The following KIAA1614 variants were observed in gnomAD, a reference collection of about 807,000 sequenced individuals.
The protein encoded by KIAA1614 is uncharacterized protein KIAA1614.
A neutral mutation model predicts 88.7 loss-of-function variants in KIAA1614; 76 were observed. That is an observed-to-expected ratio of 0.86 (90% CI 0.71 to 1.04). The LOEUF is 1.04. KIAA1614 is among the 50% of genes least tolerant of loss of function. The pLI is 0.00. For missense variants in KIAA1614, 1,553 were observed against 1,582.5 expected, an observed-to-expected ratio of 0.98 and a Z score of 0.32; for synonymous variants, 714 against 675.5, an observed-to-expected ratio of 1.06 and a Z score of -0.88.
intron 2 of KIAA1614, among the ~76,000 whole-genome samples, chr1:180,917,386 G>A (rs182678132): frequency 1.3e-5 from 2 of 152,220 alleles, no homozygotes; most frequent in East Asian, 1.9e-4. Context: ...TCTTCTTTGC[G>A]GCTTGGATTC....
At chr1:180,920,837 A>G (rs1381404194) in intron 3 of KIAA1614, among the ~76,000 whole-genome samples, 3 of 152,060 alleles carry the variant, frequency 2.0e-5, no homozygotes, top group Non-Finnish European at 4.4e-5. Flanking sequence ...CCGGCCCCCA[A>G]CCCCAGGGTT....
intron 1 of KIAA1614, among the ~76,000 whole-genome samples, chr1:180,915,194 C>T (rs1215280591): frequency 3.9e-5 from 6 of 152,194 alleles, no homozygotes; most frequent in African/African-American, 9.7e-5. Flanking sequence ...GATGCCTAAT[C>T]GGCGTTCCTG....
chr1:180,945,475 C>A lies in KIAA1614; in HGVS notation c.3460C>A (p.Arg1154Ser). ...CTTCTGCGTGGCCTCTGGGAATGGG[C>A]GCCCAGACTCAGGTATGCCCTCTCC... ...FGFCVASGNG[R>S]PDSGMPSPLP... The change falls in exon 9 of 9, where the codon CGC (arginine) becomes AGC (serine). Residue 1154 changes from arginine (R) to serine (S), a missense_variant. Coordinates refer to ENST00000367588, the MANE Select transcript of KIAA1614 (RefSeq NM_020950.2). 1 of 1,613,092 alleles carries A rather than the reference C, an allele frequency of 6.2e-7. No homozygotes were observed. Among genetic ancestry groups the A allele is most frequent in the South Asian group, 1.1e-5 (1 of 91,032 alleles).
At chr1:180,924,460 C>T (rs552619000) in intron 3 of KIAA1614, among the ~76,000 whole-genome samples, 6 of 152,362 alleles carry the variant, frequency 3.9e-5, no homozygotes, top group East Asian at 1.9e-4. Context: ...GCTCTGCTCT[C>T]CTCAGAAGTC....
Position 180,917,049 on chromosome 1 carries a change from C to G in KIAA1614, c.946C>G (p.Arg316Gly), listed in dbSNP as rs201390442. The G allele has an allele frequency of 6.2e-7, 1 of 1,613,714 alleles. No homozygotes were observed. The highest frequency in any genetic ancestry group is 1.1e-5 in the South Asian group (1 of 91,088). The change falls in exon 2 of 9, where the codon CGC becomes GGC. Residue 316 changes from arginine (R) to glycine (G), a missense_variant. Arg to Gly is a moderately radical substitution (Grantham distance 125). Transcript: ENST00000367588. ...EMLNVSGQSPRKVGTPAWTPS... is the reference protein window; with the variant it reads ...EMLNVSGQSPGKVGTPAWTPS... Reference sequence around the variant, plus strand: ...GCTCAACGTTTCTGGGCAGAGCCCCCGCAAGGTGGGAACCCCTGCCTGGAC... The same window carrying G: ...GCTCAACGTTTCTGGGCAGAGCCCCGGCAAGGTGGGAACCCCTGCCTGGAC...
At position 180,913,213 on chromosome 1, in the gene KIAA1614, G is replaced by A. The variant is rs1653697794; in HGVS notation, c.-31G>A. The A allele has an allele frequency of 8.0e-7, 1 of 1,254,922 alleles. No homozygotes were observed. The allele number at this position is 1,254,922 out of a possible 1,614,324, so 77.7% of individuals were successfully genotyped here. A position where few individuals can be genotyped will look rare whatever the true frequency, so the allele number is the denominator to read the frequency against. On this transcript the variant is annotated 5_prime_UTR_variant, in exon 1 of 9. Coordinates refer to ENST00000367588, the MANE Select transcript of KIAA1614 (RefSeq NM_020950.2). ...CCAGCAGCTGGCCTGGGAGGGAGAA[G>A]GGGCTGGAGAGGGCCTGGCCTCTCC...
Position 180,913,623 on chromosome 1 carries a change from A to G in KIAA1614, c.50+330A>G, listed in dbSNP as rs1315520378. On this transcript the variant is annotated intron_variant, in intron 1 of 8. Coordinates refer to ENST00000367588, the MANE Select transcript of KIAA1614 (RefSeq NM_020950.2). ...CTGTTCCAGAGTTTACCCATCAACA[A>G]TTCTTACTTTAATTTTTTGGAGCCA... Among the ~76,000 whole-genome samples, 5 of 152,060 alleles carry G rather than the reference A, an allele frequency of 3.3e-5. 1 individual carries two copies. In the South Asian group the frequency reaches 8.3e-4, roughly 25 times the overall value.
chr1:180,916,692 C>G lies in KIAA1614; in HGVS notation c.589C>G (p.His197Asp), dbSNP rs758795876. ...AGAAGCCGAATGGACACTTCCTGAC[C>G]ATGACAGAGGTCCGCTGCTGGGGCC... ...PPEAEWTLPD[H>D]DRGPLLGPSS... The change falls in exon 2 of 9, where the codon CAT becomes GAT. Residue 197 changes from histidine to aspartate, a missense_variant. Transcript: ENST00000367588. 2 of 1,610,498 alleles carry G rather than the reference C, an allele frequency of 1.2e-6. No individual in the cohort carries two copies. Among genetic ancestry groups the G allele is most frequent in the Non-Finnish European group, 8.5e-7 (1 of 1,177,986 alleles).
chr1:180,948,842 C>T lies in KIAA1614; in HGVS notation c.*3254C>T, dbSNP rs558736161. 5 of 152,272 alleles carry T rather than the reference C, an allele frequency of 3.3e-5. No homozygotes were observed. Among genetic ancestry groups the T allele is most frequent in the Non-Finnish European group, 7.3e-5 (5 of 68,070 alleles). The allele number at this position is 152,272 out of a possible 1,614,324, so 9.4% of individuals were successfully genotyped here. The stretch of plus-strand genomic sequence containing the variant: ...AACAAAAGGGATTCTACACCTCAGA[C>T]CAGGGAGGGGGAATGTGTACAAAGA... On this transcript the variant is annotated 3_prime_UTR_variant, in exon 9 of 9. Coordinates refer to ENST00000367588, the MANE Select transcript of KIAA1614 (RefSeq NM_020950.2).
rs756887517 is a variant in KIAA1614, at chr1:180,916,301, C to G, written c.198C>G (p.Ala66=). The stretch of plus-strand genomic sequence containing the variant: ...AAAACAGAACATCCAGCCTGATGGC[C>G]CCCCAGCCTCCCAGGGTATGGGGAG... ...PQENRTSSLM[A]PQPPRVWGVQ... is the part of the protein sequence containing the mutation. Residue 66 remains alanine, a synonymous_variant, in exon 2 of 9, where the codon GCC becomes GCG. Transcript: ENST00000367588. 1.5e-5 allele frequency: 24 copies of G among 1,613,806 alleles called. No individual in the cohort carries two copies. Among genetic ancestry groups the G allele is most frequent in the Middle Eastern group, 3.3e-4 (2 of 6,084 alleles).
intron 3 of KIAA1614, among the ~76,000 whole-genome samples, chr1:180,920,607 T>C (rs907703801): frequency 6.6e-6 from 1 of 152,144 alleles, no homozygotes; most frequent in Admixed American, 6.5e-5. Context: ...TAACCTAGCA[T>C]GCATCTGATG....
chr1:180,926,896 C>T (rs1190540817), intron 3 of KIAA1614, among the ~76,000 whole-genome samples: 4 of 152,238 alleles, frequency 2.6e-5, no homozygotes, highest in Non-Finnish European at 4.4e-5. Flanking sequence ...TTCGCTTTCC[C>T]ATCACTCCAG....
At position 180,928,414 on chromosome 1, in the gene KIAA1614, G is replaced by T. The variant is rs552976444; in HGVS notation, c.1062-16G>T. ...AATCCCTCCCCCACCACCCTGGCCT[G>T]TGTGCCACGCTGCAGGACCGTTGGT... is the stretch of plus-strand genomic sequence containing the variant. On this transcript the variant is annotated splice_polypyrimidine_tract_variant and intron_variant, in intron 3 of 8. Coordinates refer to ENST00000367588, the MANE Select transcript of KIAA1614 (RefSeq NM_020950.2). 2.5e-6 allele frequency: 4 copies of T among 1,584,384 alleles called. No homozygotes were observed. The Admixed American group carries it at 7.0e-5, about 28-fold the overall frequency.
rs146693710 is a variant in KIAA1614 at position 180,931,173 on chromosome 1, C to T, written c.1205+2600C>T. Among the ~76,000 whole-genome samples the T allele has an allele frequency of 3.4e-3, 513 of 152,274 alleles. 6 individuals carry two copies. The highest frequency in any genetic ancestry group is 9.8e-3 in the African/African-American group (407 of 41,544). ...AGAAATGGAGCAGCTCCTGGAAGCACAAGATTTTGCCATTTTGGGGATAGA... is the reference window on the plus strand; with the variant it reads ...AGAAATGGAGCAGCTCCTGGAAGCATAAGATTTTGCCATTTTGGGGATAGA... On this transcript the variant is annotated intron_variant, in intron 4 of 8. Transcript: ENST00000367588.
rs114496480 is a variant in KIAA1614 at position 180,940,239 on chromosome 1, G to A, written c.2919-806G>A. On this transcript the variant is annotated intron_variant, in intron 6 of 8. Coordinates refer to ENST00000367588, the MANE Select transcript of KIAA1614 (RefSeq NM_020950.2). ...ATGAATGGGCCAGGCAGTGGCTCAT[G>A]CCTATAATCCCAGCACATTGGGAGG... Among the ~76,000 whole-genome samples the A allele has an allele frequency of 4.5e-3, 689 of 152,346 alleles. 7 individuals are homozygous for A. The highest frequency in any genetic ancestry group is 0.016 in the African/African-American group (662 of 41,582).
intron 1 of KIAA1614, chr1:180,913,883 C>A (rs1653718977): frequency 6.6e-6 from 1 of 152,162 alleles, no homozygotes; most frequent in Non-Finnish European, 1.5e-5. Context: ...TAGATTAACT[C>A]ATAGAACAAA....
intron 5 of KIAA1614, among the ~76,000 whole-genome samples, chr1:180,937,192 T>C (rs1390640951): frequency 1.3e-5 from 2 of 152,278 alleles, no homozygotes; most frequent in East Asian, 3.8e-4. Flanking sequence ...GCACCTGTTA[T>C]GTGCCAGGCA....
chr1:180,940,634 CT>C (rs1318256835), intron 6 of KIAA1614, among the ~76,000 whole-genome samples: 1 of 151,552 alleles, frequency 6.6e-6, no homozygotes, highest in African/African-American at 2.4e-5. Flanking sequence ...TTTTTTCTTT[CT>C]TTTCTTTTCT....
At position 180,941,080 on chromosome 1, in the gene KIAA1614, C is replaced by T; in HGVS notation, c.2954C>T (p.Pro985Leu). Residue 985 changes from proline (P) to leucine (L), a missense_variant, in exon 7 of 9, where the codon CCC (proline) becomes CTC (leucine). Pro to Leu is a moderately conservative substitution (Grantham distance 98). Transcript: ENST00000367588. ...GGAGCTGGCACAGGACCCGGCTCCC[C>T]CTCGGCTGCCCCTTTGGACCAGAAC... ...SAGAGTGPGS[P>L]SAAPLDQNKK... 6.2e-7 allele frequency: 1 copy of T among 1,611,830 alleles called. No homozygotes were observed. Among genetic ancestry groups the T allele is most frequent in the Non-Finnish European group, 8.5e-7 (1 of 1,179,360 alleles).
Sources: gnomAD v4.1 joint callset for allele counts (sites outside exome capture counted in the v4.1 genomes callset) on GRCh38, gnomAD v4.1.1 for gene constraint, MANE v1.5 for transcripts, NCBI Gene and HGNC (gene_info 2026-07-23, HGNC 2026-07-21) for gene names.